The following OR2L13 variants were observed in gnomAD, a reference collection of about 807,000 sequenced individuals.
The protein encoded by OR2L13 is olfactory receptor 2L13.
Under a neutral mutation model 15.3 loss-of-function variants are expected in OR2L13, and 14 were observed. The ratio of observed to expected loss-of-function variants is 0.91; its 90% confidence interval spans 0.60 to 1.43. The LOEUF (loss-of-function observed/expected upper bound fraction) is 1.43, where lower values mean the gene tolerates loss of function less well. OR2L13 is among the 40% of genes most tolerant of loss of function. OR2L13 has a pLI of 0.00. For synonymous variants in OR2L13, 152 were observed against 142.9 expected (o/e 1.06, Z -0.45); for missense variants, 367 against 387.9 (o/e 0.95, Z 0.45).
chr1:247,976,030 G>T, the OR2L13 span, among the ~76,000 whole-genome samples: 2 of 152,096 alleles, frequency 1.3e-5, no homozygotes, highest in African/African-American at 4.8e-5. Context: ...GAATCTAATT[G>T]AATATAAGAT....
At chr1:248,075,361 T>C in the OR2L13 span, among the ~76,000 whole-genome samples, 1 of 152,246 alleles carries the variant, frequency 6.6e-6, no homozygotes, top group Non-Finnish European at 1.5e-5. Context: ...CCTTTGGGTA[T>C]ATACCCAGTA....
At chr1:247,986,344 C>T in the OR2L13 span, among the ~76,000 whole-genome samples, 1 of 152,172 alleles carries the variant, frequency 6.6e-6, no homozygotes, top group Admixed American at 6.5e-5. Context: ...AGCCAGTTTT[C>T]CCCGCACCAT....
At chr1:248,003,479 A>G in the OR2L13 span, 5 of 1,609,886 alleles carry the variant, frequency 3.1e-6, no homozygotes, top group Admixed American at 1.7e-5. Context: ...CCTGATATCA[A>G]TGGCCTATGT....
the OR2L13 span, among the ~76,000 whole-genome samples, chr1:247,996,688 A>G: frequency 6.6e-6 from 1 of 152,160 alleles, no homozygotes; most frequent in African/African-American, 2.4e-5. Context: ...TTTTTTTTAC[A>G]GAAATTCCCT....
At chr1:247,992,437 C>T in the OR2L13 span, among the ~76,000 whole-genome samples, 4 of 152,186 alleles carry the variant, frequency 2.6e-5, no homozygotes, top group East Asian at 3.9e-4. Context: ...GATATTTTTA[C>T]GTGGGAATAT....
the OR2L13 span, among the ~76,000 whole-genome samples, chr1:247,954,992 T>C: frequency 2.6e-5 from 4 of 151,994 alleles, no homozygotes; most frequent in African/African-American, 9.6e-5. Flanking sequence ...TACATGTGCA[T>C]AACGTGCAGG....
upstream of OR2L13, among the ~76,000 whole-genome samples, chr1:248,090,632 C>T (rs558335517): frequency 6.6e-6 from 1 of 152,316 alleles, no homozygotes; most frequent in Non-Finnish European, 1.5e-5. Flanking sequence ...CTTTTTGTGG[C>T]TGCATAGTAT....
the OR2L13 span, among the ~76,000 whole-genome samples, chr1:247,951,726 T>G: frequency 1.3e-5 from 2 of 152,208 alleles, no homozygotes; most frequent in Non-Finnish European, 2.9e-5. Flanking sequence ...CTTCCTGGCT[T>G]TTTCTTTTCT....
chr1:248,084,001 T>G, the OR2L13 span: 9 of 1,611,120 alleles, frequency 5.6e-6, no homozygotes, highest in Non-Finnish European at 7.6e-6. Flanking sequence ...ACACAGCAGA[T>G]GTACATGGCG....
chr1:248,061,589 TGA>T, the OR2L13 span: 1 of 1,612,788 alleles, frequency 6.2e-7, no homozygotes, highest in Non-Finnish European at 8.5e-7. Context: ...CTGACACGAG[TGA>T]GTCAGAGAAT....
chr1:247,975,647 C>T, the OR2L13 span: 2 of 1,171,508 alleles, frequency 1.7e-6, no homozygotes, highest in Non-Finnish European at 2.5e-6. Context: ...AGAATCTTCC[C>T]TGTGAAGATG....
chr1:248,073,765 T>C, the OR2L13 span, among the ~76,000 whole-genome samples: 2 of 151,846 alleles, frequency 1.3e-5, no homozygotes, highest in African/African-American at 2.4e-5. Flanking sequence ...AAAATAAATA[T>C]TATAGAAAAG....
chr1:248,027,810 G>A, the OR2L13 span, among the ~76,000 whole-genome samples: 2 of 151,950 alleles, frequency 1.3e-5, no homozygotes, highest in Non-Finnish European at 2.9e-5. Context: ...CACCACTCAC[G>A]CCTCGACCAA....
the OR2L13 span, among the ~76,000 whole-genome samples, chr1:247,993,793 GAGAGAGAGAGAGAGAGAGAA>G: frequency 2.9e-5 from 4 of 136,572 alleles, no homozygotes; most frequent in South Asian, 2.1e-4. Flanking sequence ...GAGAGAGAGA[GAGAGAGAGAGAGAGAGAGAA>G]AGAAAGAGAA....
chr1:248,065,412 CT>C, the OR2L13 span, among the ~76,000 whole-genome samples: 266 of 146,452 alleles, frequency 1.8e-3, 1 homozygote, highest in South Asian at 5.2e-3. Flanking sequence ...GAGTATCTTT[CT>C]TTTTTTTTTG....
the OR2L13 span, among the ~76,000 whole-genome samples, chr1:248,014,998 C>A: frequency 6.6e-6 from 1 of 152,110 alleles, no homozygotes; most frequent in African/African-American, 2.4e-5. Context: ...TTCTGTCTAT[C>A]CATGAAAATG....
the OR2L13 span, among the ~76,000 whole-genome samples, chr1:247,979,468 A>C: frequency 2.0e-5 from 3 of 152,116 alleles, no homozygotes; most frequent in Non-Finnish European, 4.4e-5. Flanking sequence ...AGCTTCGTCC[A>C]TGTCCCTGCA....
At chr1:247,965,859 G>T in the OR2L13 span, 5 of 1,613,664 alleles carry the variant, frequency 3.1e-6, no homozygotes, top group African/African-American at 4.0e-5. Flanking sequence ...TACATACATT[G>T]TATGTGTTTC....
the OR2L13 span, among the ~76,000 whole-genome samples, chr1:248,072,933 C>G: frequency 6.6e-6 from 1 of 152,326 alleles, no homozygotes; most frequent in African/African-American, 2.4e-5. Context: ...GAGATAGCAT[C>G]TCACACCAGT....
Sources: gnomAD v4.1 joint callset for allele counts (sites outside exome capture counted in the v4.1 genomes callset) on GRCh38, gnomAD v4.1.1 for gene constraint, MANE v1.5 for transcripts, NCBI Gene and HGNC (gene_info 2026-07-23, HGNC 2026-07-21) for gene names.